Variants in LRP8 observed in about 807,000 individuals in gnomAD.
LRP8 encodes LDL receptor related protein 8, also known as low-density lipoprotein receptor-related protein 8.
Under a neutral mutation model 111.6 loss-of-function variants are expected in LRP8, and 46 were observed. That is an observed-to-expected ratio of 0.41 (90% CI 0.33 to 0.53). The LOEUF (loss-of-function observed/expected upper bound fraction) is 0.53. LRP8 is among the 20% of genes least tolerant of loss of function. The pLI is 0.20. For synonymous variants in LRP8, 464 were observed against 511.2 expected (o/e 0.91, Z 1.24); for missense variants, 959 against 1,297.4 (o/e 0.74, Z 4.01).
At chr1:53,318,642 A>G (rs1450365171) in intron 2 of LRP8, among the ~76,000 whole-genome samples, 1 of 152,208 alleles carries the variant, frequency 6.6e-6, no homozygotes, top group Admixed American at 6.5e-5. Context: ...ACACACATCT[A>G]TCAACGGGAG....
At chr1:53,267,277 G>A (rs1443483434) in intron 8 of LRP8, 2 of 152,010 alleles carry the variant, frequency 1.3e-5, no homozygotes, top group Non-Finnish European at 2.9e-5. Flanking sequence ...ACTAGCCTGG[G>A]TAATATGGCA....
chr1:53,308,860 G>A (rs11206141), intron 2 of LRP8, among the ~76,000 whole-genome samples: 2,408 of 152,300 alleles, frequency 0.016, 28 homozygotes, highest in Non-Finnish European at 0.02. Context: ...CAAGAGACCC[G>A]CTTTTAAATC....
At chr1:53,305,892 C>T (rs1288492) in intron 2 of LRP8, 93,990 of 152,364 alleles carry the variant, frequency 0.62, 31,562 homozygotes, top group East Asian at 0.93. Context: ...CAGCCACCCA[C>T]TCCAGGGTGA....
chr1:53,286,273 C>T (rs566370081), intron 3 of LRP8, among the ~76,000 whole-genome samples: 2 of 152,272 alleles, frequency 1.3e-5, no homozygotes, highest in East Asian at 3.9e-4. Context: ...TCAGTCAAGG[C>T]CAGGCAAAAT....
rs1400153674 is a variant in LRP8 at position 53,310,798 on chromosome 1, A to G, written c.244+16075T>C. 2.6e-5 allele frequency among the ~76,000 whole-genome samples: 4 copies of G among 152,112 alleles called. No homozygotes were observed. The South Asian group carries it at 8.3e-4, about 31-fold the overall frequency. On this transcript the variant is annotated intron_variant, in intron 2 of 18. Transcript: ENST00000306052. ...GGTATGCAAGCAGGGGGATCCATTC[A>G]TTCATTCAACAAGCATACAATGGGC...
chr1:53,314,146 C>T (rs920120725), intron 2 of LRP8, among the ~76,000 whole-genome samples: 5 of 152,214 alleles, frequency 3.3e-5, no homozygotes, highest in African/African-American at 1.2e-4. Context: ...AGGCAGAAGA[C>T]GTTCAGCCAC....
intron 16 of LRP8, among the ~76,000 whole-genome samples, chr1:53,253,140 C>T (rs553045318): frequency 6.6e-6 from 1 of 151,922 alleles, no homozygotes; most frequent in Non-Finnish European, 1.5e-5. Context: ...TATCCTAATA[C>T]TAAAAAAAAG....
intron 3 of LRP8, among the ~76,000 whole-genome samples, chr1:53,282,584 A>C (rs1190429910): frequency 6.6e-6 from 1 of 152,134 alleles, no homozygotes; most frequent in Non-Finnish European, 1.5e-5. Context: ...GAAGCTGACC[A>C]GTGCTTTGCT....
At chr1:53,261,480 C>T (rs930043052) in intron 12 of LRP8, among the ~76,000 whole-genome samples, 13 of 152,296 alleles carry the variant, frequency 8.5e-5, no homozygotes, top group Middle Eastern at 3.4e-3. Context: ...AGTTAGTTTT[C>T]GGGAAGAGGT....
rs1382691946 is a variant in LRP8, at chr1:53,303,298, G to A, written c.245-13609C>T. Among the ~76,000 whole-genome samples the A allele has an allele frequency of 6.6e-6, 1 of 152,210 alleles. No homozygotes were observed. On this transcript the variant is annotated intron_variant, in intron 2 of 18. Transcript: ENST00000306052. This position sits in a 1 kb window ranked among gnomAD's most constrained non-coding sequence, Gnocchi z 4.3. ...TCTGGGTCCAGTGAGGTGGTGGGGA[G>A]CAGCCAGTCCTCACAGGGCCTGTGG... is the stretch of plus-strand genomic sequence containing the variant.
At chr1:53,301,747 A>C (rs1650931653) in intron 2 of LRP8, among the ~76,000 whole-genome samples, 3 of 149,236 alleles carry the variant, frequency 2.0e-5, no homozygotes, top group Admixed American at 2.0e-4. Flanking sequence ...AAAAAAAGGC[A>C]TTGATTGTCC....
chr1:53,253,225 C>A (rs558701133), intron 16 of LRP8, among the ~76,000 whole-genome samples: 1 of 152,216 alleles, frequency 6.6e-6, no homozygotes, highest in African/African-American at 2.4e-5. Context: ...AAGCAAGACA[C>A]AAAACCCAGA....
At chr1:53,311,622 C>A (rs1174804438) in intron 2 of LRP8, among the ~76,000 whole-genome samples, 4 of 151,976 alleles carry the variant, frequency 2.6e-5, no homozygotes, top group Non-Finnish European at 5.9e-5. Context: ...TGCTCCCCAG[C>A]CCACCCCATC....
chr1:53,264,359 C>A lies in LRP8; in HGVS notation c.1465G>T (p.Glu489Ter), dbSNP rs1181243628. ...TGCAACTGCTCGTCAATGAGGACCT[C>A]CTGCTCTTTCGGGTCACTGGCCTTG... is the stretch of plus-strand genomic sequence containing the variant. ...MDKASDPKEQ[E>*]VLIDEQLHSP... is the part of the protein sequence containing the mutation. The change falls in exon 10 of 19, where the codon GAG becomes TAG. Residue 489 changes from glutamate (E) to a stop codon, truncating the protein, a stop_gained. Coordinates refer to ENST00000306052, the MANE Select transcript of LRP8 (RefSeq NM_004631.5). LOFTEE classifies it high-confidence loss of function. 1 of 1,613,932 alleles carries A rather than the reference C, an allele frequency of 6.2e-7. No individual in the cohort carries two copies. Among genetic ancestry groups the A allele is most frequent in the African/African-American group, 1.3e-5 (1 of 74,926 alleles).
intron 12 of LRP8, among the ~76,000 whole-genome samples, chr1:53,261,004 C>A (rs764819245): frequency 6.6e-6 from 1 of 152,104 alleles, no homozygotes; most frequent in Non-Finnish European, 1.5e-5. Context: ...CTCTGGGTAT[C>A]CACACGAGTC....
At position 53,294,956 on chromosome 1, in the gene LRP8, G is replaced by C. The variant is rs114779996; in HGVS notation, c.245-5267C>G. Reference sequence around the variant, plus strand: ...GCACTGCTCTGTGCAGCTTCCTCTTGGCAATCCGAATGTCCTGCCGTGTTG... The same window carrying C: ...GCACTGCTCTGTGCAGCTTCCTCTTCGCAATCCGAATGTCCTGCCGTGTTG... On this transcript the variant is annotated intron_variant, in intron 2 of 18. Transcript: ENST00000306052. The surrounding 1 kb of genome is among the most constrained non-coding windows in gnomAD (Gnocchi z 4.1). Among the ~76,000 whole-genome samples the C allele has an allele frequency of 2.6e-5, 4 of 152,276 alleles. No homozygotes were observed. The highest frequency in any genetic ancestry group is 9.6e-5 in the African/African-American group (4 of 41,556).
intron 3 of LRP8, 72 bp from the exon 4 acceptor site, chr1:53,280,787 C>A: frequency 6.3e-7 from 1 of 1,577,234 alleles, no homozygotes; most frequent in South Asian, 1.1e-5. Context: ...AGTCCTACCA[C>A]CCTGTTCCAG....
chr1:53,296,790 G>C (rs947464724), intron 2 of LRP8, among the ~76,000 whole-genome samples: 1 of 152,248 alleles, frequency 6.6e-6, no homozygotes, highest in African/African-American at 2.4e-5. Flanking sequence ...GGGGGCCCTG[G>C]CCTGACGGCC....
intron 3 of LRP8, among the ~76,000 whole-genome samples, chr1:53,285,938 C>T (rs4623641): frequency 0.29 from 44,742 of 152,144 alleles, 8,063 homozygotes; most frequent in East Asian, 0.55. Context: ...GAGTGGCTCA[C>T]GGCATTTAAA....
Sources: gnomAD v4.1 joint callset for allele counts (sites outside exome capture counted in the v4.1 genomes callset) on GRCh38, gnomAD v4.1.1 for gene constraint, Gnocchi (gnomAD v3.1) non-coding constraint, MANE v1.5 for transcripts, NCBI Gene and HGNC (gene_info 2026-07-23, HGNC 2026-07-21) for gene names.